The following TMEM154 variants were observed in gnomAD, a reference collection of about 807,000 sequenced individuals.
The protein encoded by TMEM154 is transmembrane protein 154.
In TMEM154, 27 loss-of-function variants were observed where a neutral mutation model predicts 24.5. That is an observed-to-expected ratio of 1.10 (90% confidence interval 0.81 to 1.52). TMEM154 has a LOEUF of 1.52. Among genes scored for constraint, TMEM154 ranks in the 40% most tolerant of loss-of-function variants. The pLI is 0.00. For synonymous variants in TMEM154, 67 were observed against 76.8 expected (o/e 0.87, Z 0.67); for missense variants, 228 against 213.4 (o/e 1.07, Z -0.43).
intron 1 of TMEM154, among the ~76,000 whole-genome samples, chr4:152,658,940 G>T (rs1728543401): frequency 6.6e-6 from 1 of 152,132 alleles, no homozygotes; most frequent in East Asian, 1.9e-4. Flanking sequence ...CAGCCACTAT[G>T]GAAAACAGTA....
chr4:152,656,284 C>A (rs1728490517), intron 1 of TMEM154, among the ~76,000 whole-genome samples: 1 of 152,124 alleles, frequency 6.6e-6, no homozygotes, highest in African/African-American at 2.4e-5. Flanking sequence ...CACCTGGAAG[C>A]CCAAAAACCA....
At chr4:152,643,815 A>G (rs545364981) in intron 4 of TMEM154, among the ~76,000 whole-genome samples, 2 of 152,218 alleles carry the variant, frequency 1.3e-5, no homozygotes, top group Admixed American at 1.3e-4. Context: ...GGAAGCGATA[A>G]AGTTTCTAAA....
intron 1 of TMEM154, among the ~76,000 whole-genome samples, chr4:152,664,414 T>C (rs1728676965): frequency 6.6e-6 from 1 of 151,756 alleles, no homozygotes; most frequent in Non-Finnish European, 1.5e-5. Flanking sequence ...TTAGGACAAA[T>C]ACCTAATACA....
chr4:152,654,497 T>C (rs983521125), intron 1 of TMEM154, among the ~76,000 whole-genome samples: 3 of 152,196 alleles, frequency 2.0e-5, no homozygotes, highest in Non-Finnish European at 4.4e-5. Flanking sequence ...CTGCTATGAA[T>C]TGAATGTTTG....
chr4:152,679,879 C>A lies in TMEM154; in HGVS notation c.55G>T (p.Val19Phe). ...AGTGGAGGCGGCTTACCCCGGCCGA[C>A]GGGAACGAGCGCGATCACCAGGGCG... ...VFALVIALVP[V>F]GRGNYEELEN... The change falls in exon 1 of 7, where the codon GTC becomes TTC. Residue 19 changes from valine to phenylalanine, a missense_variant. Transcript: ENST00000304385. 1 of 1,609,280 alleles carries A rather than the reference C, an allele frequency of 6.2e-7. No homozygotes were observed. The highest frequency in any genetic ancestry group is 8.5e-7 in the Non-Finnish European group (1 of 1,178,414).
chr4:152,659,921 G>A (rs1227232895), intron 1 of TMEM154, among the ~76,000 whole-genome samples: 1 of 152,168 alleles, frequency 6.6e-6, no homozygotes, highest in African/African-American at 2.4e-5. Context: ...ATAAAAGTAT[G>A]TGCATGTGAT....
rs1026165489 is a variant in TMEM154 at position 152,621,871 on chromosome 4, A to G, written c.*6675T>C. ...CACTCTGTCACCCAGCCTGCAGTGC[A>G]GTGGCTCAGTCTTGGCACTCACTGC... On this transcript the variant is annotated 3_prime_UTR_variant, in exon 7 of 7. Transcript: ENST00000304385. The G allele has an allele frequency of 2.6e-5, 4 of 151,590 alleles. No individual in the cohort carries two copies. Among genetic ancestry groups the G allele is most frequent in the African/African-American group, 9.7e-5 (4 of 41,226 alleles). 9.4% of individuals were successfully genotyped at this position (151,590 alleles called of 1,614,324 possible).
intron 3 of TMEM154, among the ~76,000 whole-genome samples, chr4:152,650,523 C>G (rs1311573260): frequency 1.3e-5 from 2 of 152,210 alleles, no homozygotes; most frequent in African/African-American, 4.8e-5. Context: ...GCAGTGACCC[C>G]TCCACTCAAG....
In TMEM154 at chr4:152,623,250, T is replaced by A. The variant is rs1437136965; in HGVS notation, c.*5296A>T. On this transcript the variant is annotated 3_prime_UTR_variant, in exon 7 of 7. Transcript: ENST00000304385. ...TTCTCAGCAGATACTCTGCATCACTTGTAAAACAAAAGAAAGTCAAACACA... is the reference window on the plus strand; with the variant it reads ...TTCTCAGCAGATACTCTGCATCACTAGTAAAACAAAAGAAAGTCAAACACA... 2.0e-5 allele frequency: 3 copies of A among 152,094 alleles called. No homozygotes were observed. Among genetic ancestry groups the A allele is most frequent in the South Asian group, 2.1e-4 (1 of 4,834 alleles). The allele number at this position is 152,094 out of a possible 1,614,324, so 9.4% of individuals were successfully genotyped here.
At chr4:152,655,631 C>G (rs571612023) in intron 1 of TMEM154, among the ~76,000 whole-genome samples, 13 of 150,466 alleles carry the variant, frequency 8.6e-5, no homozygotes, top group East Asian at 8.0e-4. Flanking sequence ...CCCCTCCCCC[C>G]ACCCCTGGCC....
chr4:152,661,321 TCTCTCTCTCTCTCTCTC>T (rs1728603791), intron 1 of TMEM154, among the ~76,000 whole-genome samples: 30 of 143,106 alleles, frequency 2.1e-4, no homozygotes, highest in African/African-American at 7.6e-4. Flanking sequence ...TCTCTCTCTC[TCTCTCTCTCTCTCTCTC>T]TCTCCCCCCA....
At chr4:152,678,581 TG>T (rs1466959996) in intron 1 of TMEM154, among the ~76,000 whole-genome samples, 36 of 152,088 alleles carry the variant, frequency 2.4e-4, no homozygotes, top group African/African-American at 8.0e-4. Context: ...CAAAGAACTC[TG>T]GAGTAGAAGC....
At chr4:152,643,559 G>A (rs372907643) in intron 4 of TMEM154, among the ~76,000 whole-genome samples, 1 of 152,168 alleles carries the variant, frequency 6.6e-6, no homozygotes, top group Non-Finnish European at 1.5e-5. Flanking sequence ...TGTTCCTTGG[G>A]GTTTTTTGAT....
intron 6 of TMEM154, among the ~76,000 whole-genome samples, chr4:152,628,786 A>G (rs374432424): frequency 1.3e-3 from 197 of 149,600 alleles, no homozygotes; most frequent in East Asian, 0.013. Context: ...ACAGGCACCC[A>G]CCACCAAGCC....
In TMEM154 at chr4:152,626,036, T is replaced by G. The variant is rs1751912191; in HGVS notation, c.*2510A>C. 6.6e-6 allele frequency: 1 copy of G among 152,496 alleles called. No homozygotes were observed. The highest frequency in any genetic ancestry group is 2.4e-5 in the African/African-American group (1 of 41,448). 9.4% of individuals were successfully genotyped at this position (152,496 alleles called of 1,614,324 possible). A position where few individuals can be genotyped will look rare whatever the true frequency, so the allele number is the denominator to read the frequency against. ...CAGGAGCCACCTACATCAAGGTGGA[T>G]CCAGGCTGTGGTCTTGCATTGGGTA... is the stretch of plus-strand genomic sequence containing the variant. On this transcript the variant is annotated 3_prime_UTR_variant, in exon 7 of 7. Transcript: ENST00000304385.
chr4:152,632,553 A>G (rs1295462754), intron 6 of TMEM154, among the ~76,000 whole-genome samples: 1 of 152,150 alleles, frequency 6.6e-6, no homozygotes, highest in Non-Finnish European at 1.5e-5. Flanking sequence ...TAAGATGACC[A>G]TTTTTACATG....
intron 5 of TMEM154, 26 bp from the exon 6 acceptor site, chr4:152,641,011 T>C (rs1480091118): frequency 5.0e-6 from 8 of 1,598,668 alleles, no homozygotes; most frequent in Non-Finnish European, 6.8e-6. Flanking sequence ...AGCAAACTCA[T>C]TGTTAGTTAC....
At chr4:152,644,959 A>C (rs947241566) in intron 3 of TMEM154, among the ~76,000 whole-genome samples, 2 of 152,200 alleles carry the variant, frequency 1.3e-5, no homozygotes, top group Non-Finnish European at 2.9e-5. Flanking sequence ...TGGATCCCTC[A>C]CAACTTCAGG....
chr4:152,649,204 T>C (rs1275635864), intron 3 of TMEM154, among the ~76,000 whole-genome samples: 1 of 152,088 alleles, frequency 6.6e-6, no homozygotes, highest in Admixed American at 6.6e-5. Flanking sequence ...ATAAAGTGAG[T>C]TTTGTATACA....
Sources: allele counts gnomAD v4.1 joint callset (sites outside exome capture counted in the v4.1 genomes callset), GRCh38; gene constraint gnomAD v4.1.1; transcripts MANE v1.5; gene names NCBI Gene and HGNC (gene_info 2026-07-23, HGNC 2026-07-21).